Variants in TPRG1 observed in about 807,000 individuals in gnomAD.
TPRG1 encodes tumor protein p63-regulated gene 1 protein.
A neutral mutation model predicts 29.3 loss-of-function variants in TPRG1; 29 were observed. The observed-to-expected ratio is 0.99, with a 90% CI of 0.74 to 1.35. The LOEUF is 1.35. TPRG1 is among the 40% of genes most tolerant of loss of function. The pLI is 0.00. For missense variants in TPRG1, 327 were observed against 335.0 expected (o/e 0.98, Z 0.19); for synonymous variants, 130 against 116.8 (o/e 1.11, Z -0.73).
At chr3:189,246,669 A>G (rs558471229) in intron 4 of TPRG1, among the ~76,000 whole-genome samples, 63 of 152,282 alleles carry the variant, frequency 4.1e-4, no homozygotes, top group African/African-American at 1.5e-3. Flanking sequence ...TTCTTGTAGT[A>G]TAATCTAGTG....
intron 3 of TPRG1, among the ~76,000 whole-genome samples, chr3:189,237,638 G>A (rs991368298): frequency 2.0e-5 from 3 of 152,242 alleles, no homozygotes; most frequent in South Asian, 2.1e-4. Flanking sequence ...TTATACAGGC[G>A]TGTAGTCCAT....
At chr3:189,065,782 T>G (rs1716398394) in intron 4 of TPRG1, among the ~76,000 whole-genome samples, 1 of 151,994 alleles carries the variant, frequency 6.6e-6, no homozygotes, top group African/African-American at 2.4e-5. Flanking sequence ...CTACTCTTAT[T>G]CAATAGAGTA....
chr3:189,284,657 A>G (rs1046696278), intron 4 of TPRG1, among the ~76,000 whole-genome samples: 4 of 152,158 alleles, frequency 2.6e-5, no homozygotes, highest in Non-Finnish European at 4.4e-5. Context: ...TAGTACCGCA[A>G]TAAACATATG....
chr3:189,220,064 A>G (rs1736717617), intron 3 of TPRG1, among the ~76,000 whole-genome samples: 1 of 152,208 alleles, frequency 6.6e-6, no homozygotes, highest in Admixed American at 6.5e-5. Flanking sequence ...ACTTACTATC[A>G]GTAAAGCTGG....
intron 4 of TPRG1, among the ~76,000 whole-genome samples, chr3:189,076,640 C>T (rs1211821116): frequency 1.3e-5 from 2 of 151,634 alleles, no homozygotes; most frequent in Non-Finnish European, 2.9e-5. Flanking sequence ...TGTTGTTAAG[C>T]CCTGGGCTTA....
chr3:189,249,431 TA>T (rs1741834165), intron 4 of TPRG1, among the ~76,000 whole-genome samples: 1 of 152,018 alleles, frequency 6.6e-6, no homozygotes, highest in African/African-American at 2.4e-5. Context: ...TATTTTACTT[TA>T]AGCATTTTGA....
intron 4 of TPRG1, among the ~76,000 whole-genome samples, chr3:189,287,874 G>A (rs1017182832): frequency 3.9e-5 from 6 of 152,014 alleles, no homozygotes; most frequent in African/African-American, 1.5e-4. Flanking sequence ...ATGAAAGAAC[G>A]TTTTAGGTGG....
intron 1 of TPRG1, among the ~76,000 whole-genome samples, chr3:189,116,107 C>A (rs1721132646): frequency 6.6e-6 from 1 of 151,920 alleles, no homozygotes; most frequent in South Asian, 2.1e-4. Flanking sequence ...AATAGTATTA[C>A]CATATGATCC....
Position 189,060,700 on chromosome 3 carries a change from C to CA in TPRG1, c.-463+36760dup, listed in dbSNP as rs975244184. 9.9e-5 allele frequency among the ~76,000 whole-genome samples: 15 copies of CA among 151,788 alleles called. 1 individual carries two copies. The highest frequency in any genetic ancestry group is 7.9e-4 in the Admixed American group (12 of 15,248). ...AAGGCAATCCCATTCACAGTTGCCA[C>CA]AAAAAAGAATAAAATACCTAGGAAT... On this transcript the variant is annotated intron_variant, in intron 4 of 10. Coordinates refer to the TPRG1 transcript ENST00000433971.
intron 2 of TPRG1, among the ~76,000 whole-genome samples, chr3:189,209,593 T>G (rs146309246): frequency 1.3e-5 from 2 of 152,104 alleles, no homozygotes; most frequent in Non-Finnish European, 2.9e-5. Flanking sequence ...GATGAACATA[T>G]TGAAGTTTGA....
intron 4 of TPRG1, among the ~76,000 whole-genome samples, chr3:189,065,728 G>A (rs1716395709): frequency 6.6e-6 from 1 of 152,014 alleles, no homozygotes; most frequent in Non-Finnish European, 1.5e-5. Flanking sequence ...AAGACTAAAT[G>A]CTTTCCTCCT....
rs1298386375 is a variant in TPRG1 at position 189,014,193 on chromosome 3, G to C, written c.-660+9433G>C. ...TTCTTTCAGAAGGTGTTGTAAGGCA[G>C]GTCTAGTGGTAACGAATTGCCTCAG... On this transcript the variant is annotated intron_variant, in intron 3 of 10. Coordinates refer to the TPRG1 transcript ENST00000433971. Among the ~76,000 whole-genome samples, 4 of 152,254 alleles carry C rather than the reference G, an allele frequency of 2.6e-5. No homozygotes were observed. The East Asian group carries it at 7.7e-4, about 29-fold the overall frequency.
intron 4 of TPRG1, among the ~76,000 whole-genome samples, chr3:189,093,652 T>C (rs1457984067): frequency 2.0e-5 from 3 of 152,190 alleles, no homozygotes; most frequent in African/African-American, 7.2e-5. Context: ...TTCCTTTCAT[T>C]TTCAGGATGT....
At chr3:189,251,797 C>T (rs1000304211) in intron 4 of TPRG1, among the ~76,000 whole-genome samples, 34 of 152,318 alleles carry the variant, frequency 2.2e-4, no homozygotes, top group South Asian at 1.7e-3. Flanking sequence ...AACATACAAT[C>T]GGGTTTTATA....
intron 3 of TPRG1, among the ~76,000 whole-genome samples, chr3:189,232,296 T>G (rs1247064686): frequency 6.6e-6 from 1 of 152,168 alleles, no homozygotes. Context: ...TACTCCTGAG[T>G]CCTTTCCTTG....
intron 1 of TPRG1, among the ~76,000 whole-genome samples, chr3:189,196,083 T>C (rs577516167): frequency 1.3e-5 from 2 of 152,184 alleles, no homozygotes; most frequent in South Asian, 2.1e-4. Flanking sequence ...TCTCAGGGAT[T>C]TGAGGCAGTT....
intron 3 of TPRG1, among the ~76,000 whole-genome samples, chr3:189,022,285 T>G (rs1181860173): frequency 2.0e-5 from 3 of 150,642 alleles, no homozygotes; most frequent in Non-Finnish European, 3.0e-5. Flanking sequence ...GGAACTGCGT[T>G]CCTTTGGAGG....
At chr3:189,218,921 G>A (rs1736507348) in intron 3 of TPRG1, among the ~76,000 whole-genome samples, 3 of 152,142 alleles carry the variant, frequency 2.0e-5, no homozygotes. Flanking sequence ...AGAAGAGACT[G>A]GAGAAGAGAC....
chr3:189,069,280 AAAC>A (rs573020359), intron 4 of TPRG1, among the ~76,000 whole-genome samples: 89 of 152,350 alleles, frequency 5.8e-4, no homozygotes, highest in African/African-American at 2.0e-3. Context: ...AATTCCATTT[AAAC>A]AACTTTCTTT....
Sources: allele counts gnomAD v4.1 joint callset (sites outside exome capture counted in the v4.1 genomes callset), GRCh38; gene constraint gnomAD v4.1.1; transcripts MANE v1.5; gene names NCBI Gene and HGNC (gene_info 2026-07-23, HGNC 2026-07-21).